SLC8A1: variants seen among roughly 807,000 people sequenced by gnomAD.
SLC8A1 encodes sodium/calcium exchanger 1.
A neutral mutation model predicts 68.3 loss-of-function variants in SLC8A1; 18 were observed. The ratio of observed to expected loss-of-function variants is 0.26; its 90% CI spans 0.18 to 0.39. The LOEUF (loss-of-function observed/expected upper bound fraction) is 0.39. Among genes scored for constraint, SLC8A1 ranks in the 10% least tolerant of loss-of-function variants. SLC8A1 has a pLI of 1.00. For synonymous variants in SLC8A1, 475 were observed against 415.5 expected (o/e 1.14, Z -1.74); for missense variants, 985 against 1,156.7 (o/e 0.85, Z 2.15).
At chr2:40,505,506 A>T (rs1706314599) in intron 1 of SLC8A1, among the ~76,000 whole-genome samples, 1 of 151,942 alleles carries the variant, frequency 6.6e-6, no homozygotes, top group African/African-American at 2.4e-5. Flanking sequence ...TTACTAAAAT[A>T]GAAAAAAATA....
At chr2:40,154,345 C>T (rs1465774331) in intron 6 of SLC8A1, among the ~76,000 whole-genome samples, 1 of 140,808 alleles carries the variant, frequency 7.1e-6, no homozygotes, top group African/African-American at 2.6e-5. Context: ...GCTCTGTCAC[C>T]CAGGCTGGAG....
At chr2:40,218,156 G>C (rs766459429) in intron 2 of SLC8A1, among the ~76,000 whole-genome samples, 54 of 152,128 alleles carry the variant, frequency 3.5e-4, no homozygotes, top group Admixed American at 5.9e-4. Context: ...TTTCAGCTAA[G>C]AATGAATTAG....
intron 2 of SLC8A1, among the ~76,000 whole-genome samples, chr2:40,271,766 AGACATG>A (rs758470336): frequency 1.1e-3 from 169 of 152,340 alleles, no homozygotes; most frequent in Non-Finnish European, 1.9e-3. Context: ...GTGAAAAGAC[AGACATG>A]GTCTACCCTT....
chr2:40,231,695 G>T (rs941237787), intron 2 of SLC8A1, among the ~76,000 whole-genome samples: 1 of 151,988 alleles, frequency 6.6e-6, no homozygotes, highest in Admixed American at 6.6e-5. Context: ...CACATAAATC[G>T]CACTTGGAAG....
At chr2:40,347,903 T>A (rs1669856771) in intron 2 of SLC8A1, among the ~76,000 whole-genome samples, 1 of 152,136 alleles carries the variant, frequency 6.6e-6, no homozygotes, top group Non-Finnish European at 1.5e-5. Context: ...AAACAATGGC[T>A]TACGGTCTAC....
chr2:40,461,112 C>A (rs1013118956), intron 1 of SLC8A1, among the ~76,000 whole-genome samples: 1 of 152,142 alleles, frequency 6.6e-6, no homozygotes, highest in African/African-American at 2.4e-5. Context: ...TAAAAAAGTA[C>A]TGAGTTTTCA....
At chr2:40,101,883 G>A (rs964512326) in exon 8 of SLC8A1, 4 of 152,016 alleles carry the variant, frequency 2.6e-5, no homozygotes, top group African/African-American at 9.7e-5. Context: ...GTCTCAGGTG[G>A]GACTGGATAA....
exon 8 of SLC8A1, chr2:40,099,575 A>T (rs1005196039): frequency 6.6e-6 from 1 of 151,954 alleles, no homozygotes; most frequent in African/African-American, 2.4e-5. Flanking sequence ...TTTGAAGGTC[A>T]TTTGTGATGG....
chr2:40,332,700 C>T (rs1285809009), intron 2 of SLC8A1, among the ~76,000 whole-genome samples: 1 of 152,160 alleles, frequency 6.6e-6, no homozygotes, highest in African/African-American at 2.4e-5. Flanking sequence ...GAATGTCAAA[C>T]CTGTTTAAAA....
intron 1 of SLC8A1, among the ~76,000 whole-genome samples, chr2:40,509,765 GA>G (rs1706595392): frequency 6.6e-6 from 1 of 151,954 alleles, no homozygotes; most frequent in South Asian, 2.1e-4. Context: ...TAACCACCAT[GA>G]ATTTGCTTCA....
chr2:40,455,085 G>T (rs1445458552), upstream of SLC8A1, among the ~76,000 whole-genome samples: 1 of 152,210 alleles, frequency 6.6e-6, no homozygotes, highest in South Asian at 2.1e-4. Flanking sequence ...CCATTCAGGG[G>T]ACTCCACAGG....
intron 1 of SLC8A1, among the ~76,000 whole-genome samples, chr2:40,473,588 T>A (rs1324951142): frequency 6.6e-6 from 1 of 152,242 alleles, no homozygotes; most frequent in Admixed American, 6.5e-5. Flanking sequence ...TAGAAGTGTG[T>A]CTGGCCCATA....
At chr2:40,278,838 T>G (rs1411344952) in intron 2 of SLC8A1, among the ~76,000 whole-genome samples, 2 of 152,200 alleles carry the variant, frequency 1.3e-5, no homozygotes, top group Non-Finnish European at 2.9e-5. Flanking sequence ...CATGTAAAAT[T>G]TAAATCAGTA....
chr2:40,383,928 G>T (rs759981759), intron 2 of SLC8A1, among the ~76,000 whole-genome samples: 1 of 152,074 alleles, frequency 6.6e-6, no homozygotes, highest in Non-Finnish European at 1.5e-5. Context: ...TCTGGTAACA[G>T]GGCATCTGCG....
At chr2:40,368,358 C>G (rs928040156) in intron 2 of SLC8A1, among the ~76,000 whole-genome samples, 1 of 151,926 alleles carries the variant, frequency 6.6e-6, no homozygotes, top group Non-Finnish European at 1.5e-5. Flanking sequence ...TTTAGTAACC[C>G]TACCAAAAAT....
intron 2 of SLC8A1, among the ~76,000 whole-genome samples, chr2:40,307,146 T>TACACACACACACACACACAC (rs144335092): frequency 1.8e-4 from 26 of 148,286 alleles, no homozygotes; most frequent in Non-Finnish European, 3.0e-4. Flanking sequence ...AAATGTGATA[T>TACACACACACACACACACAC]ACACACACAC....
chr2:40,449,184 A>C lies in SLC8A1; in HGVS notation c.-25+2720T>G, dbSNP rs564879250. The stretch of plus-strand genomic sequence containing the variant: ...AACAAAAAACAAAAAACAACAACAA[A>C]AAAAAACACACAGACATTAATGTCC... On this transcript the variant is annotated intron_variant, in intron 1 of 7. Coordinates refer to ENST00000406785, the Ensembl canonical transcript of SLC8A1. Among the ~76,000 whole-genome samples the C allele has an allele frequency of 4.2e-3, 630 of 150,180 alleles. 3 individuals are homozygous for C. The highest frequency in any genetic ancestry group is 4.9e-3 in the Non-Finnish European group (326 of 67,130).
intron 2 of SLC8A1, among the ~76,000 whole-genome samples, chr2:40,273,990 A>G (rs780726439): frequency 4.0e-5 from 6 of 151,096 alleles, no homozygotes; most frequent in African/African-American, 9.8e-5. Context: ...GTGTTTATGC[A>G]AGGGACTGTG....
At chr2:40,123,252 A>T (rs898942000) in intron 7 of SLC8A1, 4 of 152,200 alleles carry the variant, frequency 2.6e-5, no homozygotes, top group African/African-American at 9.7e-5. Flanking sequence ...ATCATGTTCA[A>T]CTCCGACTGT....
Sources: allele counts gnomAD v4.1 joint callset (sites outside exome capture counted in the v4.1 genomes callset), GRCh38; gene constraint gnomAD v4.1.1; transcripts MANE v1.5; gene names NCBI Gene and HGNC (gene_info 2026-07-23, HGNC 2026-07-21).